TRIM22: variants seen among roughly 807,000 people sequenced by gnomAD.
The protein encoded by TRIM22 is E3 ubiquitin-protein ligase TRIM22.
Under a neutral mutation model 53.6 loss-of-function variants are expected in TRIM22, and 45 were observed. The observed-to-expected ratio is 0.84, with a 90% confidence interval of 0.66 to 1.08. TRIM22 has a LOEUF of 1.08. TRIM22 is among the 50% of genes least tolerant of loss of function. The pLI is 0.00. For synonymous variants in TRIM22, 225 were observed against 216.6 expected (o/e 1.04, Z -0.34); for missense variants, 616 against 590.9 (o/e 1.04, Z -0.44).
chr11:5,708,716 C>CT (rs35592896), intron 7 of TRIM22, 113 bp downstream of exon 7: 6,849 of 605,636 alleles, frequency 0.011, 10 homozygotes, highest in East Asian at 0.02. Flanking sequence ...CCATGTAGTT[C>CT]TTTTTTTTTT....
intron 4 of TRIM22, among the ~76,000 whole-genome samples, chr11:5,701,790 T>C (rs1853376269): frequency 6.6e-6 from 1 of 152,078 alleles, no homozygotes; most frequent in African/African-American, 2.4e-5. Flanking sequence ...ATTACCAATA[T>C]CCTGATTTTG....
At chr11:5,701,474 G>A (rs761652160) in intron 4 of TRIM22, among the ~76,000 whole-genome samples, 3 of 152,166 alleles carry the variant, frequency 2.0e-5, no homozygotes, top group African/African-American at 4.8e-5. Context: ...GTATTTTGTG[G>A]TATAGAATGT....
intron 3 of TRIM22, chr11:5,697,648 C>T (rs970605778): frequency 1.0e-5 from 3 of 299,306 alleles, no homozygotes; most frequent in Non-Finnish European, 1.9e-5. Context: ...AGTAAACACC[C>T]TGGAGAAAGA....
chr11:5,692,769 G>A (rs1297219893), intron 1 of TRIM22, among the ~76,000 whole-genome samples: 36 of 138,692 alleles, frequency 2.6e-4, no homozygotes, highest in African/African-American at 9.0e-4. Context: ...AGACCAGCCT[G>A]GGCAACGCAG....
chr11:5,705,844 C>A (rs1853449649), intron 4 of TRIM22, among the ~76,000 whole-genome samples: 1 of 152,110 alleles, frequency 6.6e-6, no homozygotes, highest in African/African-American at 2.4e-5. Context: ...ACATTTAAGA[C>A]CTACTCAGTT....
chr11:5,708,534 T>G (rs1412443134), intron 6 of TRIM22, 43 bp from the exon 7 acceptor site: 2 of 1,580,134 alleles, frequency 1.3e-6, no homozygotes, highest in Non-Finnish European at 1.7e-6. Flanking sequence ...CAGTACTTAC[T>G]TATTTGCTTC....
At chr11:5,705,249 G>A (rs893721070) in intron 4 of TRIM22, among the ~76,000 whole-genome samples, 11 of 152,116 alleles carry the variant, frequency 7.2e-5, no homozygotes, top group Non-Finnish European at 1.0e-4. Context: ...TTACTGTCAT[G>A]AGTAAAAAGA....
rs1853276272 is a variant in TRIM22, at chr11:5,697,069, G to C, written c.424-179G>C. On this transcript the variant is annotated intron_variant, in intron 2 of 7. Transcript: ENST00000379965. The stretch of plus-strand genomic sequence containing the variant: ...AGAGGATGGTGACTTCCATCATCCA[G>C]GAATAAAGAATACATTCATCTCCTC... The C allele has an allele frequency of 1.2e-5, 7 of 566,946 alleles. No homozygotes were observed. The South Asian group carries it at 1.8e-4, about 14-fold the overall frequency. 35.1% of individuals were successfully genotyped at this position (566,946 alleles called of 1,614,324 possible). A position where few individuals can be genotyped will look rare whatever the true frequency, so the allele number is the denominator to read the frequency against.
chr11:5,707,657 A>C (rs1208739008), intron 5 of TRIM22, among the ~76,000 whole-genome samples: 1 of 151,948 alleles, frequency 6.6e-6, no homozygotes, highest in East Asian at 1.9e-4. Flanking sequence ...TAAAAGTACA[A>C]AAAAATTAGC....
intron 1 of TRIM22, among the ~76,000 whole-genome samples, chr11:5,695,682 AGT>A (rs1174306230): frequency 2.6e-5 from 4 of 152,142 alleles, no homozygotes; most frequent in African/African-American, 9.7e-5. Context: ...TGTTTGATGC[AGT>A]GTTTGATGCT....
intron 1 of TRIM22, among the ~76,000 whole-genome samples, chr11:5,691,517 G>A (rs1186141589): frequency 1.3e-5 from 2 of 152,188 alleles, no homozygotes; most frequent in African/African-American, 4.8e-5. Context: ...TTTCATTTCT[G>A]CCTTTTAGTT....
At chr11:5,699,534 A>C (rs1335375743) in intron 4 of TRIM22, among the ~76,000 whole-genome samples, 8 of 23,644 alleles carry the variant, frequency 3.4e-4, no homozygotes, top group Non-Finnish European at 7.5e-4. Context: ...CCGTCTCAAA[A>C]AAAAAAAAAA....
chr11:5,709,304 G>C lies in TRIM22; in HGVS notation c.1153G>C (p.Gly385Arg). 1 of 1,613,978 alleles carries C rather than the reference G, an allele frequency of 6.2e-7. No homozygotes were observed. The change falls in exon 8 of 8, where the codon GGG becomes CGG. Residue 385 changes from glycine to arginine, a missense_variant. Coordinates refer to ENST00000379965, the MANE Select transcript of TRIM22 (RefSeq NM_006074.5). ...ISSLNKRKSS[G>R]FAFDPSVNYS... is the part of the protein sequence containing the mutation. ...TAGTCTGAATAAAAGGAAGAGCTCTGGGTTTGCTTTTGATCCAAGTGTAAA... is the reference window on the plus strand; with the variant it reads ...TAGTCTGAATAAAAGGAAGAGCTCTCGGTTTGCTTTTGATCCAAGTGTAAA...
intron 4 of TRIM22, among the ~76,000 whole-genome samples, chr11:5,704,262 T>C (rs34478836): frequency 3.9e-5 from 6 of 152,178 alleles, no homozygotes; most frequent in Non-Finnish European, 1.5e-5. Flanking sequence ...TCTTTTTTTT[T>C]CTTTATTGCA....
rs578015853 is a variant in TRIM22, at chr11:5,695,846, TG to T, written c.-66-318del. On this transcript the variant is annotated intron_variant, in intron 1 of 7. Coordinates refer to ENST00000379965, the MANE Select transcript of TRIM22 (RefSeq NM_006074.5). ...TGCATTTAACATGGAAAATGTGTTT[TG>T]GGTTGGGGAACAAAAGGCAGGACAA... Among the ~76,000 whole-genome samples, 578 of 152,254 alleles carry T rather than the reference TG, an allele frequency of 3.8e-3. 9 individuals are homozygous for T. Among genetic ancestry groups the T allele is most frequent in the African/African-American group, 0.013 (543 of 41,546 alleles).
At chr11:5,698,566 C>T (rs1853312477) in intron 4 of TRIM22, 21 bp downstream of exon 4, 4 of 1,582,976 alleles carry the variant, frequency 2.5e-6, no homozygotes, top group African/African-American at 1.4e-5. Context: ...GGATGGAGCA[C>T]CTACGTAAGA....
Position 5,708,281 on chromosome 11 carries a change from G to A in TRIM22, c.874+8G>A. 2.5e-6 allele frequency: 4 copies of A among 1,608,656 alleles called. No homozygotes were observed. Among genetic ancestry groups the A allele is most frequent in the Non-Finnish European group, 3.4e-6 (4 of 1,175,046 alleles). ...TGCTGCAAGTTCTTAAAGGTAAGGG[G>A]ATTCAGGGGAAGGCTGTGAATGTGG... On this transcript the variant is annotated splice_region_variant and intron_variant, in intron 6 of 7. Transcript: ENST00000379965.
At position 5,708,559 on chromosome 11, in the gene TRIM22, A is replaced by C. The variant is rs778448347; in HGVS notation, c.875-18A>C. The C allele has an allele frequency of 6.2e-7, 1 of 1,600,532 alleles. No individual in the cohort carries two copies. Among genetic ancestry groups the C allele is most frequent in the Non-Finnish European group, 8.5e-7 (1 of 1,176,142 alleles). ...TTATTTGCTTCTAACAACATCACTG[A>C]AACTTTTGTCGTTTCAGAGCTGACA... is the stretch of plus-strand genomic sequence containing the variant. On this transcript the variant is annotated intron_variant, in intron 6 of 7. Coordinates refer to ENST00000379965, the MANE Select transcript of TRIM22 (RefSeq NM_006074.5).
chr11:5,708,321 G>C (rs746933472), intron 6 of TRIM22, 48 bp downstream of exon 6: 1 of 1,533,910 alleles, frequency 6.5e-7, no homozygotes, highest in African/African-American at 1.4e-5. Flanking sequence ...CTTAGTATCA[G>C]GGCTCAATAG....
Sources: gnomAD v4.1 joint callset for allele counts (sites outside exome capture counted in the v4.1 genomes callset) on GRCh38, gnomAD v4.1.1 for gene constraint, MANE v1.5 for transcripts, NCBI Gene and HGNC (gene_info 2026-07-23, HGNC 2026-07-21) for gene names.